The following BANK1 variants were observed in gnomAD, a reference collection of about 807,000 sequenced individuals.
BANK1 encodes B-cell scaffold protein with ankyrin repeats.
Under a neutral mutation model 94.5 loss-of-function variants are expected in BANK1, and 95 were observed. That is an observed-to-expected ratio of 1.00 (90% CI 0.85 to 1.19). The LOEUF (loss-of-function observed/expected upper bound fraction) is 1.19. Ranked by LOEUF, BANK1 falls within the 50% of genes most tolerant of loss-of-function variation. The pLI is 0.00. For missense variants in BANK1, 987 were observed against 932.2 expected, an observed-to-expected ratio of 1.06 and a Z score of -0.77; for synonymous variants, 334 against 308.4, an observed-to-expected ratio of 1.08 and a Z score of -0.87.
intron 1 of BANK1, among the ~76,000 whole-genome samples, chr4:101,806,850 A>G (rs1476284857): frequency 1.3e-5 from 2 of 152,220 alleles, no homozygotes; most frequent in African/African-American, 4.8e-5. Context: ...TTCAGGGGAT[A>G]CACAAAAGGT....
At chr4:101,916,583 A>G (rs1710563718) in intron 6 of BANK1, among the ~76,000 whole-genome samples, 1 of 152,030 alleles carries the variant, frequency 6.6e-6, no homozygotes, top group African/African-American at 2.4e-5. Flanking sequence ...AGACTGCCTC[A>G]GAAAGTTTAG....
chr4:101,891,109 C>T (rs1029479750), intron 5 of BANK1, among the ~76,000 whole-genome samples: 6 of 152,100 alleles, frequency 3.9e-5, no homozygotes, highest in African/African-American at 1.4e-4. Flanking sequence ...TTCTTGCTCT[C>T]TGATGTGCCA....
At chr4:101,832,689 T>C (rs569022194) in intron 2 of BANK1, among the ~76,000 whole-genome samples, 1 of 152,328 alleles carries the variant, frequency 6.6e-6, no homozygotes, top group South Asian at 2.1e-4. Flanking sequence ...CTCTCTAACT[T>C]CTTGCATATC....
At chr4:101,851,344 T>C (rs1727468363) in intron 2 of BANK1, among the ~76,000 whole-genome samples, 1 of 152,182 alleles carries the variant, frequency 6.6e-6, no homozygotes, top group Non-Finnish European at 1.5e-5. Context: ...CCTTGAGATA[T>C]AAATCATTTA....
chr4:101,891,740 T>G (rs536920147), intron 5 of BANK1, among the ~76,000 whole-genome samples: 1 of 152,210 alleles, frequency 6.6e-6, no homozygotes, highest in South Asian at 2.1e-4. Flanking sequence ...GTTCATTGAT[T>G]GTTTCCTCTG....
At chr4:101,955,738 C>T (rs772148949) in intron 7 of BANK1, among the ~76,000 whole-genome samples, 1 of 152,074 alleles carries the variant, frequency 6.6e-6, no homozygotes, top group Admixed American at 6.6e-5. Context: ...ATGTAAAAAC[C>T]TATATTTAAT....
chr4:101,808,719 A>G (rs1306236350), intron 1 of BANK1, among the ~76,000 whole-genome samples: 2 of 152,214 alleles, frequency 1.3e-5, no homozygotes, highest in African/African-American at 4.8e-5. Flanking sequence ...TACCAAAAGA[A>G]GATATATAAA....
At chr4:101,797,709 C>A (rs1402912045) in intron 1 of BANK1, among the ~76,000 whole-genome samples, 3 of 152,052 alleles carry the variant, frequency 2.0e-5, no homozygotes, top group African/African-American at 4.8e-5. Flanking sequence ...AGTGAAGGAA[C>A]AAGAGGACAC....
rs376933355 is a variant in BANK1, at chr4:102,007,146, T to TTATATA, written c.1207-14349_1207-14344dup. Among the ~76,000 whole-genome samples, 20 of 38,066 alleles carry TTATATA rather than the reference T, an allele frequency of 5.3e-4. 1 individual carries two copies. Among genetic ancestry groups the TTATATA allele is most frequent in the African/African-American group, 1.2e-3 (18 of 15,168 alleles). 25.0% of individuals were successfully genotyped at this position (38,066 alleles called of 152,430 possible). A position where few individuals can be genotyped will look rare whatever the true frequency, so the allele number is the denominator to read the frequency against. Reference sequence around the variant, plus strand: ...TTTATATATATATAAAAAATATATTTTATATATATATATATATATATATAA... The same window carrying TTATATA: ...TTTATATATATATAAAAAATATATTTTATATATATATATATATATATATATATATAA... On this transcript the variant is annotated intron_variant, in intron 7 of 16. Transcript: ENST00000322953.
intron 1 of BANK1, among the ~76,000 whole-genome samples, chr4:101,794,169 C>T (rs1330425472): frequency 3.3e-5 from 5 of 152,088 alleles, no homozygotes; most frequent in Non-Finnish European, 4.4e-5. Context: ...TTTAATAGGA[C>T]AAAATGAGAG....
At chr4:102,016,149 T>C (rs1726691874) in intron 7 of BANK1, among the ~76,000 whole-genome samples, 1 of 152,238 alleles carries the variant, frequency 6.6e-6, no homozygotes, top group African/African-American at 2.4e-5. Context: ...ATCTATTCTT[T>C]GAAATTGTCT....
At chr4:101,796,144 G>A (rs78692495) in intron 1 of BANK1, among the ~76,000 whole-genome samples, 3,033 of 152,282 alleles carry the variant, frequency 0.02, 80 homozygotes, top group East Asian at 0.06. Flanking sequence ...AGATGCATAA[G>A]TAGAAAGAAA....
At chr4:101,961,973 C>T (rs1724584344) in intron 7 of BANK1, among the ~76,000 whole-genome samples, 1 of 152,158 alleles carries the variant, frequency 6.6e-6, no homozygotes, top group South Asian at 2.1e-4. Flanking sequence ...TTCACTGTCA[C>T]TGCCGTTTCA....
In BANK1 at chr4:101,830,045, A is replaced by G. The variant is rs376032654; in HGVS notation, c.308A>G (p.Lys103Arg). Residue 103 changes from lysine to arginine, a missense_variant, in exon 2 of 17, where the codon AAG becomes AGG. Transcript: ENST00000322953. ...LTPKKCQFLE[K>R]ILHSPKSVVT... Reference sequence around the variant, plus strand: ...CCAAAGAAATGTCAGTTTCTGGAAAAGATACTTCATTCACCAAAAAGTGTA... The same window carrying G: ...CCAAAGAAATGTCAGTTTCTGGAAAGGATACTTCATTCACCAAAAAGTGTA... 11 of 1,613,804 alleles carry G rather than the reference A, an allele frequency of 6.8e-6. No homozygotes were observed. The highest frequency in any genetic ancestry group is 8.5e-6 in the Non-Finnish European group (10 of 1,179,928).
chr4:101,882,938 T>C (rs190143615), intron 5 of BANK1, among the ~76,000 whole-genome samples: 16 of 152,338 alleles, frequency 1.1e-4, no homozygotes, highest in Admixed American at 9.8e-4. Flanking sequence ...ATCACTTTTA[T>C]TACTTGTTCC....
chr4:101,951,331 G>C (rs1449417055), intron 7 of BANK1, among the ~76,000 whole-genome samples: 1 of 151,632 alleles, frequency 6.6e-6, no homozygotes, highest in East Asian at 2.0e-4. Flanking sequence ...TTAAAAAACA[G>C]AGGAAATGTC....
At chr4:101,956,609 C>T (rs73834507) in intron 7 of BANK1, among the ~76,000 whole-genome samples, 154 of 152,138 alleles carry the variant, frequency 1.0e-3, no homozygotes, top group African/African-American at 3.4e-3. Context: ...CTTGGAGAAG[C>T]GGCAGGCTAA....
At chr4:102,014,330 A>C (rs1030494679) in intron 7 of BANK1, among the ~76,000 whole-genome samples, 1 of 152,076 alleles carries the variant, frequency 6.6e-6, no homozygotes, top group African/African-American at 2.4e-5. Context: ...TGGCCTGCTC[A>C]ACTTTGCTTT....
At chr4:101,986,238 A>G (rs1023965135) in intron 7 of BANK1, among the ~76,000 whole-genome samples, 1 of 152,144 alleles carries the variant, frequency 6.6e-6, no homozygotes, top group Non-Finnish European at 1.5e-5. Context: ...CAAGACACAC[A>G]TGTTCCTAAA....
Sources: gnomAD v4.1 joint callset for allele counts (sites outside exome capture counted in the v4.1 genomes callset) on GRCh38, gnomAD v4.1.1 for gene constraint, MANE v1.5 for transcripts, NCBI Gene and HGNC (gene_info 2026-07-23, HGNC 2026-07-21) for gene names.